The following PHKA1 variants were observed in gnomAD, a reference collection of about 807,000 sequenced individuals.
The protein encoded by PHKA1 is phosphorylase b kinase regulatory subunit alpha, skeletal muscle isoform.
A neutral mutation model predicts 110.2 loss-of-function variants in PHKA1; 60 were observed. The observed-to-expected ratio is 0.54, with a 90% CI of 0.44 to 0.68. PHKA1 has a LOEUF of 0.68. Among genes scored for constraint, PHKA1 ranks in the 30% least tolerant of loss-of-function variants. The pLI, the probability that PHKA1 is intolerant of heterozygous loss-of-function variation, is 0.00. For missense variants in PHKA1, 801 were observed against 942.5 expected (o/e 0.85, Z 1.97); for synonymous variants, 316 against 333.6 (o/e 0.95, Z 0.58).
At position 72,580,960 on chromosome X, in the gene PHKA1, A is replaced by G. The variant is rs1556200088; in HGVS notation, c.*42T>C. The stretch of plus-strand genomic sequence containing the variant: ...CCATGCACAATCAACCGAGGCAGGG[A>G]CCAGCTGTCAAAAGGCTCCCAGAAG... On this transcript the variant is annotated 3_prime_UTR_variant, in exon 32 of 32. Coordinates refer to ENST00000373542, the MANE Select transcript of PHKA1 (RefSeq NM_002637.4). The G allele has an allele frequency of 8.8e-7, 1 of 1,139,987 alleles. No homozygotes were observed. The highest frequency in any genetic ancestry group is 1.8e-5 in the South Asian group (1 of 54,360). The allele number at this position is 1,139,987 out of a possible 1,213,427, so 93.9% of individuals were successfully genotyped here.
At chrX:72,662,856 GT>G (rs1556304840) in intron 8 of PHKA1, among the ~76,000 whole-genome samples, 1 of 110,889 alleles carries the variant, frequency 9.0e-6, no homozygotes. Flanking sequence ...ACCAAAGCCA[GT>G]GTATCCTACC....
intron 3 of PHKA1, among the ~76,000 whole-genome samples, chrX:72,697,416 C>T (rs782269951): frequency 9.1e-6 from 1 of 109,828 alleles, no homozygotes; most frequent in African/African-American, 3.3e-5. Context: ...GGTTAAAAGT[C>T]GGCTTAATTA....
At chrX:72,645,867 T>C (rs1813093996) in intron 13 of PHKA1, among the ~76,000 whole-genome samples, 1 of 111,617 alleles carries the variant, frequency 9.0e-6, no homozygotes, top group African/African-American at 3.3e-5. Flanking sequence ...CTAGGTAGTG[T>C]GGGGTTGGGA....
At chrX:72,624,036 G>A (rs1238022462) in intron 17 of PHKA1, among the ~76,000 whole-genome samples, 2 of 111,387 alleles carry the variant, frequency 1.8e-5, no homozygotes, top group African/African-American at 3.3e-5. Context: ...GTGAATTCAC[G>A]CAAGGATCAA....
At chrX:72,678,604 G>T (rs1461315102) in intron 5 of PHKA1, among the ~76,000 whole-genome samples, 1 of 111,933 alleles carries the variant, frequency 8.9e-6, no homozygotes, top group Non-Finnish European at 1.9e-5. Flanking sequence ...GCAGGCCTGT[G>T]GTGTCAGAAG....
intron 14 of PHKA1, among the ~76,000 whole-genome samples, chrX:72,641,515 A>C (rs966577092): frequency 4.5e-5 from 5 of 111,717 alleles, no homozygotes. Flanking sequence ...ATCTATATGC[A>C]CTAAGATTAG....
At chrX:72,659,998 T>C (rs1328059739) in intron 8 of PHKA1, among the ~76,000 whole-genome samples, 2 of 112,420 alleles carry the variant, frequency 1.8e-5, no homozygotes, top group African/African-American at 3.2e-5. Flanking sequence ...GTGTATACAG[T>C]TATTTTTGTC....
intron 28 of PHKA1, among the ~76,000 whole-genome samples, chrX:72,597,972 C>T (rs1235424708): frequency 7.2e-5 from 8 of 111,259 alleles, no homozygotes; most frequent in African/African-American, 2.6e-4. Flanking sequence ...GATATGACAC[C>T]AAAAACATCA....
At chrX:72,669,047 G>A (rs555894064) in intron 6 of PHKA1, among the ~76,000 whole-genome samples, 4 of 112,513 alleles carry the variant, frequency 3.6e-5, no homozygotes, top group African/African-American at 9.7e-5. Flanking sequence ...TTGACTCTGC[G>A]CGCAGGTTGG....
At chrX:72,634,432 A>G (rs965181820) in intron 16 of PHKA1, among the ~76,000 whole-genome samples, 15 of 110,984 alleles carry the variant, frequency 1.4e-4, no homozygotes, top group African/African-American at 4.9e-4. Flanking sequence ...GGCAGTACAA[A>G]CAGGTCTTTG....
rs373181108 is a variant in PHKA1 at position 72,643,866 on chromosome X, G to A, written c.1459+496C>T. On this transcript the variant is annotated intron_variant, in intron 14 of 31. Coordinates refer to ENST00000373542, the MANE Select transcript of PHKA1 (RefSeq NM_002637.4). ...AGAATTTCTTTTAGATAACAATATA[G>A]TAATTTGTTTAATGCAAAAAATCTA... 3.8e-4 allele frequency among the ~76,000 whole-genome samples: 42 copies of A among 111,306 alleles called. No individual in the cohort carries two copies. In the South Asian group the frequency reaches 8.4e-3, roughly 22 times the overall value.
At chrX:72,673,524 G>A (rs1275941492) in intron 6 of PHKA1, among the ~76,000 whole-genome samples, 4 of 111,261 alleles carry the variant, frequency 3.6e-5, no homozygotes, top group Non-Finnish European at 7.5e-5. Context: ...CAGGTAGTGA[G>A]AGTTTGAGAA....
intron 5 of PHKA1, among the ~76,000 whole-genome samples, chrX:72,680,844 C>T (rs1217173850): frequency 3.8e-5 from 3 of 78,653 alleles, no homozygotes; most frequent in Admixed American, 1.4e-4. Context: ...CGGGAGGCAG[C>T]GGCTGGAGGA....
In PHKA1 at chrX:72,705,159, G is replaced by A. The variant is rs192429634; in HGVS notation, c.285+39C>T. 28 of 978,198 alleles carry A rather than the reference G, an allele frequency of 2.9e-5. No individual in the cohort carries two copies. In the East Asian group the frequency reaches 8.0e-4, roughly 28 times the overall value. 80.6% of individuals were successfully genotyped at this position (978,198 alleles called of 1,213,427 possible). Reference sequence around the variant, plus strand: ...TAAAGGGTAGAGATACTATTACAATGTGCTTTTATTAGAGAGGAAGGTGTT... The same window carrying A: ...TAAAGGGTAGAGATACTATTACAATATGCTTTTATTAGAGAGGAAGGTGTT... On this transcript the variant is annotated intron_variant, in intron 3 of 31. Coordinates refer to ENST00000373542, the MANE Select transcript of PHKA1 (RefSeq NM_002637.4).
rs2052945003 is a variant in PHKA1, at chrX:72,619,361, T to C, written c.2138-56A>G. 3 of 700,745 alleles carry C rather than the reference T, an allele frequency of 4.3e-6. No individual in the cohort carries two copies. The African/African-American group carries it at 6.4e-5, about 15-fold the overall frequency. 57.7% of individuals were successfully genotyped at this position (700,745 alleles called of 1,213,427 possible). A position where few individuals can be genotyped will look rare whatever the true frequency, so the allele number is the denominator to read the frequency against. On this transcript the variant is annotated intron_variant, in intron 19 of 31. Coordinates refer to ENST00000373542, the MANE Select transcript of PHKA1 (RefSeq NM_002637.4). Reference sequence around the variant, plus strand: ...TAGGTAATTAGGAGACTAATAGAAATGCACAGTTGACTTCAACAATTAAGT... The same window carrying C: ...TAGGTAATTAGGAGACTAATAGAAACGCACAGTTGACTTCAACAATTAAGT...
At chrX:72,601,564 G>A (rs782405860) in intron 28 of PHKA1, among the ~76,000 whole-genome samples, 2 of 110,682 alleles carry the variant, frequency 1.8e-5, no homozygotes, top group Non-Finnish European at 3.8e-5. Flanking sequence ...ATAAGATATC[G>A]AGGATAGGAG....
chrX:72,700,345 T>C (rs2054189687), intron 3 of PHKA1, among the ~76,000 whole-genome samples: 1 of 112,487 alleles, frequency 8.9e-6, no homozygotes, highest in South Asian at 3.6e-4. Context: ...ATAAATTATG[T>C]CTTTTTCTAA....
At chrX:72,584,431 A>G in intron 29 of PHKA1, 129 bp from the exon 30 acceptor site, 1 of 623,401 alleles carries the variant, frequency 1.6e-6, no homozygotes, top group Non-Finnish European at 2.6e-6. Flanking sequence ...GTAATCACAG[A>G]CTAGCAAGGG....
chrX:72,652,994 G>A (rs977842757), intron 11 of PHKA1, among the ~76,000 whole-genome samples: 3 of 111,599 alleles, frequency 2.7e-5, no homozygotes, highest in Non-Finnish European at 5.6e-5. Context: ...CATGTCTAAT[G>A]CTCTTTTGCA....
Sources: gnomAD v4.1 joint callset for allele counts (sites outside exome capture counted in the v4.1 genomes callset) on GRCh38, gnomAD v4.1.1 for gene constraint, MANE v1.5 for transcripts, NCBI Gene and HGNC (gene_info 2026-07-23, HGNC 2026-07-21) for gene names.